Variants in PRMT7 observed in about 807,000 individuals in gnomAD.
PRMT7 encodes protein arginine methyltransferase 7.
Under a neutral mutation model 85.4 loss-of-function variants are expected in PRMT7, and 75 were observed. The observed-to-expected ratio is 0.88, with a 90% confidence interval of 0.73 to 1.06. The LOEUF is 1.06. Among genes scored for constraint, PRMT7 ranks in the 50% least tolerant of loss-of-function variants. The pLI is 0.00. For missense variants in PRMT7, 868 were observed against 915.2 expected (o/e 0.95, Z 0.67); for synonymous variants, 397 against 359.5 (o/e 1.10, Z -1.18).
Position 68,357,385 on chromosome 16 carries a change from C to T in PRMT7, c.*161C>T, listed in dbSNP as rs965684857. ...TGCATCTTGTTGCATCTTTGCACTG[C>T]TGGCCTCTGGCTCCAGCTGTGGCAG... On this transcript the variant is annotated 3_prime_UTR_variant, in exon 19 of 19. Coordinates refer to ENST00000441236, the MANE Select transcript of PRMT7 (RefSeq NM_019023.5). The T allele has an allele frequency of 1.3e-6, 1 of 741,648 alleles. No homozygotes were observed. Among genetic ancestry groups the T allele is most frequent in the African/African-American group, 1.8e-5 (1 of 56,038 alleles). The allele number at this position is 741,648 out of a possible 1,614,324, so 45.9% of individuals were successfully genotyped here.
chr16:68,312,223 A>ATTTTTT (rs1212523307), intron 2 of PRMT7, 47 bp downstream of exon 2: 1 of 39,898 alleles, frequency 2.5e-5, no homozygotes, highest in African/African-American at 6.7e-5. Context: ...ATATATATAT[A>ATTTTTT]TATATATTTT....
intron 4 of PRMT7, among the ~76,000 whole-genome samples, chr16:68,323,051 A>G (rs2082687427): frequency 6.6e-6 from 1 of 152,118 alleles, no homozygotes; most frequent in Non-Finnish European, 1.5e-5. Flanking sequence ...AATTGTGGTA[A>G]AAACACATAA....
intron 6 of PRMT7, among the ~76,000 whole-genome samples, chr16:68,336,925 G>A (rs1222181585): frequency 6.6e-6 from 1 of 152,122 alleles, no homozygotes; most frequent in Non-Finnish European, 1.5e-5. Context: ...GCTAATTTTT[G>A]TATTTTTAGT....
At chr16:68,359,665 C>T (rs1443236668), downstream of PRMT7, 1 of 152,694 alleles carries the variant, frequency 6.5e-6, no homozygotes, top group Non-Finnish European at 1.5e-5. Flanking sequence ...CCTCACCAGG[C>T]AAAGCCGGCC....
At chr16:68,352,668 A>G in intron 15 of PRMT7, 1 of 362,348 alleles carries the variant, frequency 2.8e-6, no homozygotes, top group Non-Finnish European at 5.0e-6. Flanking sequence ...ATTTAAAAAT[A>G]TAAATTAAGC....
chr16:68,357,109 C>T lies in PRMT7; in HGVS notation c.1964C>T (p.Ala655Val), dbSNP rs773229535. 11 of 1,613,726 alleles carry T rather than the reference C, an allele frequency of 6.8e-6. No homozygotes were observed. The East Asian group carries it at 1.3e-4, about 20-fold the overall frequency. ...CKQAVYFFSP[A>V]PDPRALLGGP... ...CAGGCCGTCTACTTCTTCAGCCCTG[C>T]CCCAGATCCCAGAGCACTGCTGGGT... is the stretch of plus-strand genomic sequence containing the variant. Residue 655 changes from alanine to valine, a missense_variant, in exon 19 of 19, where the codon GCC (alanine) becomes GTC (valine). By Grantham distance (64) the Ala-to-Val change is moderately conservative (BLOSUM62 0). Transcript: ENST00000441236.
chr16:68,352,000 TG>T, intron 14 of PRMT7: 1 of 416,106 alleles, frequency 2.4e-6, no homozygotes. Context: ...GACTCATGTC[TG>T]GTTGTAATCT....
At chr16:68,322,891 C>T (rs566730174) in intron 4 of PRMT7, among the ~76,000 whole-genome samples, 2 of 151,958 alleles carry the variant, frequency 1.3e-5, no homozygotes, top group Admixed American at 6.6e-5. Context: ...AAAAGCCGAG[C>T]GTGGTGGCGG....
intron 6 of PRMT7, among the ~76,000 whole-genome samples, chr16:68,330,166 T>G (rs2083663103): frequency 6.6e-6 from 1 of 152,194 alleles, no homozygotes; most frequent in Non-Finnish European, 1.5e-5. Context: ...AGTGCTAGGA[T>G]TATAAGCGTG....
chr16:68,311,078 A>G lies in PRMT7; in HGVS notation c.-240A>G. 1 of 766,112 alleles carries G rather than the reference A, an allele frequency of 1.3e-6. No homozygotes were observed. The highest frequency in any genetic ancestry group is 2.2e-6 in the Non-Finnish European group (1 of 446,122). 47.5% of individuals were successfully genotyped at this position (766,112 alleles called of 1,614,324 possible). A position where few individuals can be genotyped will look rare whatever the true frequency, so the allele number is the denominator to read the frequency against. ...GGTAAAAGTGGTAGCAGCGGAGGCGAGCGGAGGGTTTCCCGCGGCGGGTGA... is the reference window on the plus strand; with the variant it reads ...GGTAAAAGTGGTAGCAGCGGAGGCGGGCGGAGGGTTTCCCGCGGCGGGTGA... On this transcript the variant is annotated 5_prime_UTR_variant, in exon 1 of 19. Coordinates refer to ENST00000441236, the MANE Select transcript of PRMT7 (RefSeq NM_019023.5).
At chr16:68,318,356 C>T (rs924179568) in intron 3 of PRMT7, among the ~76,000 whole-genome samples, 13 of 151,912 alleles carry the variant, frequency 8.6e-5, no homozygotes, top group Non-Finnish European at 1.5e-4. Flanking sequence ...CCCGCTGCCA[C>T]GCCCGGCTAA....
At chr16:68,333,467 G>A (rs1336201288) in intron 6 of PRMT7, among the ~76,000 whole-genome samples, 1 of 148,762 alleles carries the variant, frequency 6.7e-6, no homozygotes, top group Admixed American at 6.7e-5. Context: ...GGCAACAAGA[G>A]CAAAATTCTG....
intron 3 of PRMT7, among the ~76,000 whole-genome samples, chr16:68,320,389 A>G (rs534309520): frequency 6.6e-6 from 1 of 152,316 alleles, no homozygotes; most frequent in Non-Finnish European, 1.5e-5. Context: ...TTACCTACAT[A>G]TTTATTGACA....
intron 18 of PRMT7, 79 bp downstream of exon 18, chr16:68,356,876 T>C: frequency 7.0e-7 from 1 of 1,433,790 alleles, no homozygotes; most frequent in South Asian, 1.2e-5. Context: ...CCTGCCCCCA[T>C]GCTCTGGGTG....
chr16:68,355,715 G>A lies in PRMT7; in HGVS notation c.1651-8G>A, dbSNP rs764519451. 6.4e-7 allele frequency: 1 copy of A among 1,572,432 alleles called. No homozygotes were observed. The highest frequency in any genetic ancestry group is 1.4e-5 in the African/African-American group (1 of 73,906). Reference sequence around the variant, plus strand: ...CTCTGCAGCCCCCAGGCCCCCTTCTGTTCGCAGCGTGCCCTGGACTTCAGG... The same window carrying A: ...CTCTGCAGCCCCCAGGCCCCCTTCTATTCGCAGCGTGCCCTGGACTTCAGG... On this transcript the variant is annotated splice_region_variant and splice_polypyrimidine_tract_variant and intron_variant, in intron 16 of 18. Coordinates refer to ENST00000441236, the MANE Select transcript of PRMT7 (RefSeq NM_019023.5).
At chr16:68,312,540 A>G (rs1798010093) in intron 2 of PRMT7, among the ~76,000 whole-genome samples, 1 of 152,140 alleles carries the variant, frequency 6.6e-6, no homozygotes, top group Non-Finnish European at 1.5e-5. Flanking sequence ...CCTAGCAAAT[A>G]CATTTTGAAT....
rs754209937 is a variant in PRMT7 at position 68,356,683 on chromosome 16, C to T, written c.1812-18C>T. The stretch of plus-strand genomic sequence containing the variant: ...CTCTTGTGTGACTACTTCTGCTGGG[C>T]CCCCCTCTCCTTGACAGGCCCGGGC... On this transcript the variant is annotated intron_variant, in intron 17 of 18. Transcript: ENST00000441236. The T allele has an allele frequency of 4.4e-6, 7 of 1,597,674 alleles. No individual in the cohort carries two copies. The highest frequency in any genetic ancestry group is 1.7e-4 in the Middle Eastern group (1 of 5,788).
Position 68,346,065 on chromosome 16 carries a change from A to T in PRMT7, c.1056-80A>T, listed in dbSNP as rs895900428. On this transcript the variant is annotated intron_variant, in intron 10 of 18. Transcript: ENST00000441236. Reference sequence around the variant, plus strand: ...CTCTAAGCCCTCATGCCTACTGGAGACCAGTGTCCAGATTCATGCCCTCTG... The same window carrying T: ...CTCTAAGCCCTCATGCCTACTGGAGTCCAGTGTCCAGATTCATGCCCTCTG... The T allele has an allele frequency of 3.1e-6, 5 of 1,589,358 alleles. No individual in the cohort carries two copies. In the African/African-American group the frequency reaches 5.4e-5, roughly 17 times the overall value.
At chr16:68,321,391 A>T (rs1372332261) in intron 3 of PRMT7, 35 bp from the exon 4 acceptor site, 1 of 1,554,908 alleles carries the variant, frequency 6.4e-7, no homozygotes, top group Admixed American at 1.7e-5. Flanking sequence ...GTTGATGTGT[A>T]TCATGCAAAG....
Sources: gnomAD v4.1 joint callset for allele counts (sites outside exome capture counted in the v4.1 genomes callset) on GRCh38, gnomAD v4.1.1 for gene constraint, MANE v1.5 for transcripts, NCBI Gene and HGNC (gene_info 2026-07-23, HGNC 2026-07-21) for gene names.